GFRA2: variants seen among roughly 807,000 people sequenced by gnomAD.
The protein encoded by GFRA2 is GDNF family receptor alpha-2.
A neutral mutation model predicts 48.3 loss-of-function variants in GFRA2; 17 were observed. The observed-to-expected ratio is 0.35, with a 90% confidence interval of 0.24 to 0.53. GFRA2 has a LOEUF of 0.53. Ranked by LOEUF, GFRA2 falls within the 20% of genes least tolerant of loss-of-function variation. GFRA2 has a pLI of 0.93. For synonymous variants in GFRA2, 305 were observed against 257.2 expected, an observed-to-expected ratio of 1.19 and a Z score of -1.78; for missense variants, 660 against 637.3, an observed-to-expected ratio of 1.04 and a Z score of -0.38.
intron 2 of GFRA2, among the ~76,000 whole-genome samples, chr8:21,781,661 C>CCG (rs1272877682): frequency 2.6e-5 from 4 of 152,100 alleles, no homozygotes; most frequent in Admixed American, 1.3e-4. Flanking sequence ...CCGCACCTCC[C>CCG]CAGACTCGGC....
Position 21,693,222 on chromosome 8 carries a change from G to C in GFRA2, c.*56C>G. 1 of 1,544,206 alleles carries C rather than the reference G, an allele frequency of 6.5e-7. No individual in the cohort carries two copies. The highest frequency in any genetic ancestry group is 8.8e-7 in the Non-Finnish European group (1 of 1,139,622). On this transcript the variant is annotated 3_prime_UTR_variant, in exon 9 of 9. Transcript: ENST00000524240. ...GTCTGTGTGTGTTTCCATTTCGTCAGGCGGCTGTTCTTGTCTGCGTAGCTT... is the reference window on the plus strand; with the variant it reads ...GTCTGTGTGTGTTTCCATTTCGTCACGCGGCTGTTCTTGTCTGCGTAGCTT...
At chr8:21,732,226 C>T (rs1006659344) in intron 4 of GFRA2, among the ~76,000 whole-genome samples, 2 of 152,216 alleles carry the variant, frequency 1.3e-5, no homozygotes, top group African/African-American at 4.8e-5. Flanking sequence ...GTGTCCCTTC[C>T]AGGGGACAAA....
intron 2 of GFRA2, among the ~76,000 whole-genome samples, chr8:21,778,171 G>A (rs1365696681): frequency 2.6e-5 from 4 of 152,140 alleles, no homozygotes; most frequent in Non-Finnish European, 4.4e-5. Context: ...TGCCCTCTCC[G>A]CAGCCCCAGG....
chr8:21,791,747 C>A (rs1460609737), upstream of GFRA2, among the ~76,000 whole-genome samples: 3 of 152,188 alleles, frequency 2.0e-5, no homozygotes, highest in Non-Finnish European at 4.4e-5. Context: ...TTGTTTACTG[C>A]TTTGCTCTGG....
intron 3 of GFRA2, among the ~76,000 whole-genome samples, chr8:21,751,919 G>A (rs1805313046): frequency 6.6e-6 from 1 of 152,168 alleles, no homozygotes. Flanking sequence ...ACCAAGAGGA[G>A]AACAGCACAA....
intron 2 of GFRA2, among the ~76,000 whole-genome samples, chr8:21,781,901 G>A (rs908357887): frequency 3.0e-4 from 46 of 152,140 alleles, no homozygotes; most frequent in Admixed American, 1.3e-3. Flanking sequence ...TTTGTGACTC[G>A]GAGGCTGGTT....
At chr8:21,701,335 A>C (rs926962667) in intron 7 of GFRA2, among the ~76,000 whole-genome samples, 1 of 152,326 alleles carries the variant, frequency 6.6e-6, no homozygotes, top group South Asian at 2.1e-4. Flanking sequence ...TGGAGCTTGC[A>C]GTGAGCCGAG....
intron 3 of GFRA2, among the ~76,000 whole-genome samples, chr8:21,754,505 CTTTTTT>C (rs59344047): frequency 4.1e-5 from 5 of 121,228 alleles, no homozygotes; most frequent in African/African-American, 1.6e-4. Flanking sequence ...CTTTTTTTTT[CTTTTTT>C]TTTTTTTTTT....
intron 4 of GFRA2, among the ~76,000 whole-genome samples, chr8:21,736,362 T>C (rs1428989106): frequency 6.6e-6 from 1 of 152,232 alleles, no homozygotes; most frequent in Non-Finnish European, 1.5e-5. Flanking sequence ...ATCATTTTTG[T>C]TCAAATATGT....
rs552731747 is a variant in GFRA2 at position 21,745,371 on chromosome 8, T to G, written c.794+5217A>C. Among the ~76,000 whole-genome samples, 91 of 152,342 alleles carry G rather than the reference T, an allele frequency of 6.0e-4. 1 individual carries two copies. Among genetic ancestry groups the G allele is most frequent in the African/African-American group, 2.1e-3 (86 of 41,584 alleles). On this transcript the variant is annotated intron_variant, in intron 4 of 8. Transcript: ENST00000524240. ...GTATCAGGGCCGGGTGCTGTAGCAC[T>G]GCAGCATGGGCATGCTCCTAGGAGA...
At chr8:21,788,075 C>G in intron 1 of GFRA2, 45 bp downstream of exon 1, 1 of 1,173,570 alleles carries the variant, frequency 8.5e-7, no homozygotes, top group South Asian at 1.4e-5. Context: ...CCCGCCTCCC[C>G]GGCTTCTCGC....
At chr8:21,736,091 G>A (rs1804447967) in intron 4 of GFRA2, among the ~76,000 whole-genome samples, 1 of 152,148 alleles carries the variant, frequency 6.6e-6, no homozygotes, top group Admixed American at 6.5e-5. Context: ...GCTCTCTGAG[G>A]GTCTTACTGC....
At chr8:21,785,981 T>C (rs1275013999) in intron 1 of GFRA2, among the ~76,000 whole-genome samples, 1 of 146,912 alleles carries the variant, frequency 6.8e-6, no homozygotes, top group African/African-American at 2.5e-5. Context: ...CACCAACCCA[T>C]CCCTTCCTTT....
At chr8:21,735,243 C>T (rs903375088) in intron 4 of GFRA2, among the ~76,000 whole-genome samples, 34 of 152,200 alleles carry the variant, frequency 2.2e-4, no homozygotes, top group African/African-American at 7.2e-4. Flanking sequence ...TGAAGTCTTG[C>T]ATCCCATGGA....
rs913558318 is a variant in GFRA2, at chr8:21,732,629, C to T, written c.794+17959G>A. 2.6e-5 allele frequency among the ~76,000 whole-genome samples: 4 copies of T among 152,228 alleles called. No homozygotes were observed. In the South Asian group the frequency reaches 6.2e-4, roughly 24 times the overall value. On this transcript the variant is annotated intron_variant, in intron 4 of 8. Transcript: ENST00000524240. ...GCACAGATCAGCCTGGTCTGAGTCC[C>T]GTGAGCCCAGCCCAATGGTCCTGCA... is the stretch of plus-strand genomic sequence containing the variant.
chr8:21,808,536 C>T (rs1185620336), intron 1 of GFRA2, among the ~76,000 whole-genome samples: 1 of 152,216 alleles, frequency 6.6e-6, no homozygotes. Context: ...TCCTTATGAA[C>T]CCCTGTAGGA....
At chr8:21,805,934 G>A (rs1347353748) in intron 1 of GFRA2, among the ~76,000 whole-genome samples, 1 of 152,230 alleles carries the variant, frequency 6.6e-6, no homozygotes, top group African/African-American at 2.4e-5. Flanking sequence ...AGGGCAGAAG[G>A]TTTGAGCCCC....
intron 3 of GFRA2, among the ~76,000 whole-genome samples, chr8:21,774,417 C>CAAG (rs377628700): frequency 0.011 from 1,708 of 151,666 alleles, 27 homozygotes; most frequent in African/African-American, 0.038. Flanking sequence ...TCATGTGGTT[C>CAAG]AAGAAGAGCC....
At chr8:21,771,359 T>C (rs913911981) in intron 3 of GFRA2, among the ~76,000 whole-genome samples, 144 of 152,218 alleles carry the variant, frequency 9.5e-4, no homozygotes, top group African/African-American at 3.0e-3. Flanking sequence ...CTCCATGAAA[T>C]CTCTTCCCAC....
Sources: allele counts gnomAD v4.1 joint callset (sites outside exome capture counted in the v4.1 genomes callset), GRCh38; gene constraint gnomAD v4.1.1; transcripts MANE v1.5; gene names NCBI Gene and HGNC (gene_info 2026-07-23, HGNC 2026-07-21).